MIPOL1: variants seen among roughly 807,000 people sequenced by gnomAD.
MIPOL1 encodes the protein mirror-image polydactyly gene 1 protein.
Under a neutral mutation model 60.9 loss-of-function variants are expected in MIPOL1, and 57 were observed. The ratio of observed to expected loss-of-function variants is 0.94; its 90% CI spans 0.76 to 1.17. The LOEUF (loss-of-function observed/expected upper bound fraction) is 1.17, where lower values mean the gene tolerates loss of function less well. MIPOL1 is among the 50% of genes most tolerant of loss of function. The pLI is 0.00. For synonymous variants in MIPOL1, 179 were observed against 168.8 expected, an observed-to-expected ratio of 1.06 and a Z score of -0.47; for missense variants, 551 against 511.6, an observed-to-expected ratio of 1.08 and a Z score of -0.74.
chr14:37,331,545 A>G (rs2089683608), intron 9 of MIPOL1, among the ~76,000 whole-genome samples: 1 of 144,382 alleles, frequency 6.9e-6, no homozygotes, highest in Admixed American at 7.0e-5. Context: ...AAATGGGATT[A>G]CATTCTTGTT....
intron 1 of MIPOL1, among the ~76,000 whole-genome samples, chr14:37,202,862 C>A (rs1344718289): frequency 2.0e-5 from 3 of 152,148 alleles, no homozygotes; most frequent in Non-Finnish European, 4.4e-5. Flanking sequence ...ATTTAGGTTA[C>A]ATTTAATCTT....
In MIPOL1 at chr14:37,282,747, C is replaced by CAAAAA. The variant is rs59301708; in HGVS notation, c.494-2552_494-2548dup. ...TGGATGACAGAGCAAGACCCTGTCT[C>CAAAAA]AAAAAAAAAAAAAAAAAAAAAAAGA... On this transcript the variant is annotated intron_variant, in intron 6 of 12. Coordinates refer to ENST00000684589, the MANE Select transcript of MIPOL1 (RefSeq NM_001388067.1). 2.9e-3 allele frequency among the ~76,000 whole-genome samples: 190 copies of CAAAAA among 66,234 alleles called. 1 individual carries two copies. Among genetic ancestry groups the CAAAAA allele is most frequent in the East Asian group, 3.2e-3 (6 of 1,880 alleles). The allele number at this position is 66,234 out of a possible 152,430, so 43.5% of individuals were successfully genotyped here.
At chr14:37,362,123 T>C (rs894787729) in intron 9 of MIPOL1, among the ~76,000 whole-genome samples, 1 of 152,160 alleles carries the variant, frequency 6.6e-6, no homozygotes, top group Non-Finnish European at 1.5e-5. Context: ...AAGGTTAATA[T>C]TGTTATGTGT....
At chr14:37,465,564 A>T (rs2094587945) in intron 11 of MIPOL1, among the ~76,000 whole-genome samples, 1 of 151,932 alleles carries the variant, frequency 6.6e-6, no homozygotes, top group Admixed American at 6.6e-5. Flanking sequence ...TATTCTAATA[A>T]TTTTTTCTTT....
At position 37,285,366 on chromosome 14, in the gene MIPOL1, T is replaced by C; in HGVS notation, c.542T>C (p.Val181Ala). Residue 181 changes from valine (V) to alanine (A), a missense_variant, in exon 7 of 13, where the codon GTT becomes GCT. Transcript: ENST00000684589. ...YFAQKERDEA[V>A]MSRLQLAIEE... ...GCGCAGAAGGAACGTGATGAAGCTG[T>C]TATGTCTAGACTGCAATTAGCCATT... 2.5e-6 allele frequency: 4 copies of C among 1,614,002 alleles called. No individual in the cohort carries two copies. Among genetic ancestry groups the C allele is most frequent in the Non-Finnish European group, 2.5e-6 (3 of 1,179,960 alleles).
rs570474194 is a variant in MIPOL1, at chr14:37,329,847, T to C, written c.828+21328T>C. Among the ~76,000 whole-genome samples, 43 of 152,276 alleles carry C rather than the reference T, an allele frequency of 2.8e-4. 2 individuals carry two copies. In the South Asian group the frequency reaches 8.7e-3, roughly 31 times the overall value. ...ACTTAACATTTAGGTTATACTGTTG[T>C]TTGTTTATGGATTTTGAGAAAATCC... On this transcript the variant is annotated intron_variant, in intron 9 of 12. Coordinates refer to ENST00000684589, the MANE Select transcript of MIPOL1 (RefSeq NM_001388067.1).
intron 12 of MIPOL1, among the ~76,000 whole-genome samples, chr14:37,512,190 T>A (rs2095333346): frequency 6.6e-6 from 1 of 152,106 alleles, no homozygotes; most frequent in Non-Finnish European, 1.5e-5. Flanking sequence ...CACAGCTGTT[T>A]AAAGTCTTTT....
intron 5 of MIPOL1, 122 bp downstream of exon 5, chr14:37,268,915 A>G (rs1034754615): frequency 7.3e-6 from 6 of 818,086 alleles, no homozygotes; most frequent in East Asian, 3.1e-5. Flanking sequence ...CAGTAGCTTT[A>G]TGTTTTTGCC....
chr14:37,296,372 C>T (rs1412255043), intron 7 of MIPOL1, among the ~76,000 whole-genome samples: 2 of 151,994 alleles, frequency 1.3e-5, no homozygotes, highest in Admixed American at 6.6e-5. Flanking sequence ...AAAATTGACA[C>T]CCTAACATCA....
At chr14:37,200,687 T>TA (rs1555354661) in intron 1 of MIPOL1, among the ~76,000 whole-genome samples, 3 of 148,118 alleles carry the variant, frequency 2.0e-5, no homozygotes, top group East Asian at 2.0e-4. Context: ...TTTTTTTTTT[T>TA]AACACAGTCC....
intron 3 of MIPOL1, among the ~76,000 whole-genome samples, chr14:37,249,061 A>G (rs1973667588): frequency 6.6e-6 from 1 of 152,106 alleles, no homozygotes; most frequent in Non-Finnish European, 1.5e-5. Context: ...AGCAGCAGAC[A>G]TAAGGGAGGG....
chr14:37,244,287 A>AT (rs1221466796), intron 1 of MIPOL1, among the ~76,000 whole-genome samples: 13 of 149,290 alleles, frequency 8.7e-5, no homozygotes, highest in African/African-American at 2.0e-4. Flanking sequence ...AGCCAGGCTA[A>AT]TTTTTTTTTA....
intron 11 of MIPOL1, among the ~76,000 whole-genome samples, chr14:37,473,153 C>T (rs538296756): frequency 1.3e-5 from 2 of 152,180 alleles, no homozygotes; most frequent in South Asian, 4.1e-4. Flanking sequence ...TGAGTTCTCA[C>T]TCTATTAGTT....
chr14:37,444,935 A>G (rs1277714461), intron 11 of MIPOL1, among the ~76,000 whole-genome samples: 1 of 152,206 alleles, frequency 6.6e-6, no homozygotes, highest in Non-Finnish European at 1.5e-5. Flanking sequence ...TCAAAATAAT[A>G]AGAGCTATCT....
At chr14:37,229,933 G>A (rs1970354500) in intron 1 of MIPOL1, among the ~76,000 whole-genome samples, 1 of 152,074 alleles carries the variant, frequency 6.6e-6, no homozygotes, top group Admixed American at 6.6e-5. Context: ...GAGTGATTGG[G>A]GAGATGTTGG....
rs1450194855 is a variant in MIPOL1 at position 37,471,380 on chromosome 14, A to G, written c.1032-28528A>G. On this transcript the variant is annotated intron_variant, in intron 11 of 12. Transcript: ENST00000684589. ...ATTAACTAAAAAAGTAAGTTCCTGG[A>G]CTTTGTTATATTTCCCGGATTTGAG... Among the ~76,000 whole-genome samples the G allele has an allele frequency of 3.9e-5, 6 of 152,200 alleles. No homozygotes were observed. In the East Asian group the frequency reaches 7.7e-4, roughly 20 times the overall value.
chr14:37,534,078 CA>C (rs564604002), intron 12 of MIPOL1, among the ~76,000 whole-genome samples: 233 of 69,398 alleles, frequency 3.4e-3, no homozygotes, highest in Middle Eastern at 8.9e-3. Context: ...GACTCCATCT[CA>C]AAAAAAAAAA....
chr14:37,500,176 T>G, intron 12 of MIPOL1, 38 bp downstream of exon 12: 1 of 1,337,076 alleles, frequency 7.5e-7, no homozygotes, highest in Non-Finnish European at 1.0e-6. Context: ...TTCAAACACA[T>G]GAAACAAAAC....
chr14:37,343,477 G>C (rs368048338), intron 9 of MIPOL1, among the ~76,000 whole-genome samples: 1 of 152,090 alleles, frequency 6.6e-6, no homozygotes, highest in African/African-American at 2.4e-5. Flanking sequence ...ACCAAAGTTT[G>C]GTTTCTGTTT....
Sources: gnomAD v4.1 joint callset for allele counts (sites outside exome capture counted in the v4.1 genomes callset) on GRCh38, gnomAD v4.1.1 for gene constraint, MANE v1.5 for transcripts, NCBI Gene and HGNC (gene_info 2026-07-23, HGNC 2026-07-21) for gene names.